Variants in MYRIP observed in about 807,000 individuals in gnomAD.
MYRIP encodes myosin VIIA and Rab interacting protein.
MYRIP carries 49 observed loss-of-function variants against 98.0 expected under a neutral mutation model. That is an observed-to-expected ratio of 0.50 (90% confidence interval 0.40 to 0.63). The LOEUF is 0.63. Among genes scored for constraint, MYRIP ranks in the 30% least tolerant of loss-of-function variants. The pLI is 0.00. For synonymous variants in MYRIP, 404 were observed against 409.5 expected (o/e 0.99, Z 0.16); for missense variants, 1,004 against 1,058.2 (o/e 0.95, Z 0.71).
At chr3:39,846,673 TC>T (rs1374932637) in intron 1 of MYRIP, among the ~76,000 whole-genome samples, 1 of 152,218 alleles carries the variant, frequency 6.6e-6, no homozygotes, top group Non-Finnish European at 1.5e-5. Flanking sequence ...TCCCTGCTGA[TC>T]CCTAAATCCT....
intron 1 of MYRIP, among the ~76,000 whole-genome samples, chr3:39,849,111 A>G (rs1942054006): frequency 6.6e-6 from 1 of 152,222 alleles, no homozygotes; most frequent in African/African-American, 2.4e-5. Context: ...TAGGATATAG[A>G]TATAGGTAAA....
chr3:40,242,037 G>T (rs1953031958), intron 12 of MYRIP, among the ~76,000 whole-genome samples: 1 of 152,106 alleles, frequency 6.6e-6, no homozygotes, highest in African/African-American at 2.4e-5. Context: ...ATAGGGCAAG[G>T]AGGATAAAGG....
chr3:39,919,693 G>GGTGTGTGTGT (rs62719862), intron 2 of MYRIP, among the ~76,000 whole-genome samples: 5 of 143,266 alleles, frequency 3.5e-5, no homozygotes, highest in Non-Finnish European at 6.0e-5. Context: ...GGGTATGTGT[G>GGTGTGTGTGT]GTGTGTGTGT....
intron 2 of MYRIP, among the ~76,000 whole-genome samples, chr3:39,974,634 G>C (rs1007929904): frequency 1.3e-5 from 2 of 152,094 alleles, no homozygotes; most frequent in Non-Finnish European, 2.9e-5. Flanking sequence ...GATGAACATC[G>C]ATGCTAAAAT....
At chr3:40,071,181 A>G (rs940960484) in intron 3 of MYRIP, 1 of 985,328 alleles carries the variant, frequency 1.0e-6, no homozygotes, top group African/African-American at 1.7e-5. Flanking sequence ...CTTGTTCCCT[A>G]CCGTAATCTC....
intron 2 of MYRIP, among the ~76,000 whole-genome samples, chr3:40,042,930 C>T (rs947497164): frequency 2.6e-5 from 4 of 152,194 alleles, no homozygotes; most frequent in Admixed American, 6.5e-5. Context: ...CATCTGACAA[C>T]ATAGTAAAAC....
chr3:40,107,073 A>C (rs1276006400), intron 3 of MYRIP, among the ~76,000 whole-genome samples: 1 of 152,260 alleles, frequency 6.6e-6, no homozygotes, highest in East Asian at 1.9e-4. Flanking sequence ...AGATTATGCT[A>C]GTATTGCAAC....
intron 1 of MYRIP, among the ~76,000 whole-genome samples, chr3:39,884,991 T>A (rs1467910957): frequency 7.1e-6 from 1 of 140,514 alleles, no homozygotes; most frequent in Non-Finnish European, 1.5e-5. Context: ...AGAGGTGGTA[T>A]AAATTTACAT....
At chr3:40,192,676 C>T (rs1000106457) in intron 10 of MYRIP, among the ~76,000 whole-genome samples, 1 of 152,138 alleles carries the variant, frequency 6.6e-6, no homozygotes, top group African/African-American at 2.4e-5. Flanking sequence ...CCCACAACAA[C>T]AGGTGAGTTC....
chr3:39,888,565 C>G lies in MYRIP; in HGVS notation c.-30-12222C>G, dbSNP rs547505310. On this transcript the variant is annotated intron_variant, in intron 1 of 16. Transcript: ENST00000302541. ...AAAGACTTAAACGTTAGACCTAAAA[C>G]CATAAAAACCCTAGAAGAAAACCTA... Among the ~76,000 whole-genome samples the G allele has an allele frequency of 6.4e-4, 97 of 152,262 alleles. 3 individuals carry two copies. In the East Asian group the frequency reaches 0.019, roughly 29 times the overall value.
chr3:40,016,909 A>G (rs1483251176), intron 2 of MYRIP, among the ~76,000 whole-genome samples: 1 of 152,160 alleles, frequency 6.6e-6, no homozygotes, highest in Non-Finnish European at 1.5e-5. Flanking sequence ...GCCAGGTGTT[A>G]CCTTCTTCTC....
At chr3:40,127,447 A>G (rs1949546920) in intron 3 of MYRIP, among the ~76,000 whole-genome samples, 1 of 152,252 alleles carries the variant, frequency 6.6e-6, no homozygotes. Flanking sequence ...AACTGGTCCC[A>G]GATGTAGTTC....
chr3:40,114,818 G>A (rs527812945), intron 3 of MYRIP, among the ~76,000 whole-genome samples: 1 of 152,350 alleles, frequency 6.6e-6, no homozygotes, highest in Non-Finnish European at 1.5e-5. Flanking sequence ...TGCTTGGGAA[G>A]ACTATTTAGC....
rs114153319 is a variant in MYRIP, at chr3:40,059,196, G to T, written c.332+14925G>T. Among the ~76,000 whole-genome samples the T allele has an allele frequency of 8.0e-3, 1,218 of 152,138 alleles. 14 individuals carry two copies. The highest frequency in any genetic ancestry group is 0.028 in the African/African-American group (1,157 of 41,476). ...CCAGTCTATTATTGATAGGTATTTG[G>T]CCTGGTTCCAAGTCTTTGCTATTGT... On this transcript the variant is annotated intron_variant, in intron 3 of 16. Coordinates refer to ENST00000302541, the MANE Select transcript of MYRIP (RefSeq NM_015460.4).
chr3:39,852,011 G>T (rs995410628), intron 1 of MYRIP, among the ~76,000 whole-genome samples: 35 of 152,060 alleles, frequency 2.3e-4, no homozygotes, highest in African/African-American at 8.5e-4. Flanking sequence ...GCAGCCAGAG[G>T]GGAGTTCTTT....
intron 4 of MYRIP, among the ~76,000 whole-genome samples, chr3:40,155,328 T>G (rs1183073400): frequency 6.6e-6 from 1 of 151,428 alleles, no homozygotes; most frequent in East Asian, 1.9e-4. Context: ...AACTCATCAT[T>G]TTTTATGGCT....
chr3:40,162,696 T>C (rs1341177144), intron 4 of MYRIP, 34 bp from the exon 5 acceptor site: 1 of 1,584,906 alleles, frequency 6.3e-7, no homozygotes, highest in Admixed American at 1.7e-5. Flanking sequence ...TTGATAATCA[T>C]ATTCATTCTC....
chr3:40,253,454 A>T (rs1044460595), intron 16 of MYRIP, among the ~76,000 whole-genome samples: 19 of 152,094 alleles, frequency 1.2e-4, no homozygotes, highest in Non-Finnish European at 2.8e-4. Context: ...AGACGAGAAA[A>T]CCCTATGGAG....
chr3:40,104,319 A>AT (rs967063811), intron 3 of MYRIP, among the ~76,000 whole-genome samples: 6 of 152,158 alleles, frequency 3.9e-5, no homozygotes, highest in East Asian at 1.9e-4. Context: ...AACATAGATC[A>AT]TTTTTGCTAG....
Sources: gnomAD v4.1 joint callset for allele counts (sites outside exome capture counted in the v4.1 genomes callset) on GRCh38, gnomAD v4.1.1 for gene constraint, MANE v1.5 for transcripts, NCBI Gene and HGNC (gene_info 2026-07-23, HGNC 2026-07-21) for gene names.